The following EXD3 variants were observed in gnomAD, a reference collection of about 807,000 sequenced individuals.
EXD3 encodes the protein exonuclease mut-7 homolog.
EXD3 carries 92 observed loss-of-function variants against 98.0 expected under a neutral mutation model. That is an observed-to-expected ratio of 0.94 (90% CI 0.79 to 1.12). The LOEUF (loss-of-function observed/expected upper bound fraction) is 1.12. Ranked by LOEUF, EXD3 falls within the 50% of genes most tolerant of loss-of-function variation. The pLI is 0.00. For synonymous variants in EXD3, 569 were observed against 526.0 expected (o/e 1.08, Z -1.12); for missense variants, 1,222 against 1,191.6 (o/e 1.03, Z -0.38).
chr9:137,366,429 C>A, intron 7 of EXD3, 64 bp downstream of exon 7: 2 of 1,529,572 alleles, frequency 1.3e-6, no homozygotes, highest in East Asian at 2.5e-5. Flanking sequence ...CCTACACTCC[C>A]TTCCCTAACC....
At chr9:137,319,813 G>A (rs1831929266) in intron 19 of EXD3, among the ~76,000 whole-genome samples, 1 of 152,162 alleles carries the variant, frequency 6.6e-6, no homozygotes, top group South Asian at 2.1e-4. Flanking sequence ...TTGCTCTCCT[G>A]GCCCCATCGC....
At chr9:137,383,265 G>A (rs1836409741) in intron 3 of EXD3, 48 bp downstream of exon 3, 2 of 1,486,184 alleles carry the variant, frequency 1.3e-6, no homozygotes, top group Non-Finnish European at 1.8e-6. Context: ...CCAACAGTCA[G>A]TTCTGCTGGC....
chr9:137,354,426 G>A, intron 9 of EXD3, 49 bp from the exon 10 acceptor site: 1 of 1,610,974 alleles, frequency 6.2e-7, no homozygotes. Flanking sequence ...TCCAGAGGCT[G>A]TATCGGGGCC....
chr9:137,330,119 CTA>C (rs1832936963), intron 17 of EXD3, among the ~76,000 whole-genome samples: 2 of 107,442 alleles, frequency 1.9e-5, no homozygotes, highest in African/African-American at 7.3e-5. Context: ...TACACAGGAG[CTA>C]CACAGGAGCT....
At chr9:137,416,471 G>T (rs757128421) in intron 1 of EXD3, among the ~76,000 whole-genome samples, 2 of 152,250 alleles carry the variant, frequency 1.3e-5, no homozygotes, top group Non-Finnish European at 2.9e-5. Context: ...TCACCTCCCA[G>T]GTCTCCACCA....
Position 137,371,216 on chromosome 9 carries a change from C to T in EXD3, c.462+1689G>A, listed in dbSNP as rs2131675438. ...CCCGAAACACTAGCCTGCCTTCTGC[C>T]TCCCTGCACTCTCCGCAGGCACGGC... On this transcript the variant is annotated intron_variant, in intron 5 of 21. Coordinates refer to ENST00000340951, the MANE Select transcript of EXD3 (RefSeq NM_017820.5). This position sits in a 1 kb window ranked among gnomAD's most constrained non-coding sequence, Gnocchi z 8.0. Among the ~76,000 whole-genome samples, 1 of 152,340 alleles carries T rather than the reference C, an allele frequency of 6.6e-6. No individual in the cohort carries two copies. Among genetic ancestry groups the T allele is most frequent in the East Asian group, 1.9e-4 (1 of 5,184 alleles).
At chr9:137,409,957 A>C (rs1244251352) in intron 1 of EXD3, among the ~76,000 whole-genome samples, 3 of 152,190 alleles carry the variant, frequency 2.0e-5, no homozygotes, top group Non-Finnish European at 2.9e-5. Context: ...CGGACGGATC[A>C]CAAGGTCAGT....
At chr9:137,368,912 G>C (rs1351777556) in intron 5 of EXD3, among the ~76,000 whole-genome samples, 1 of 148,078 alleles carries the variant, frequency 6.8e-6, no homozygotes, top group Non-Finnish European at 1.5e-5. Context: ...AGGGCTGTGG[G>C]CAGGGGCGCC....
At chr9:137,316,727 C>T (rs1257448519) in intron 19 of EXD3, among the ~76,000 whole-genome samples, 2 of 152,206 alleles carry the variant, frequency 1.3e-5, no homozygotes, top group Non-Finnish European at 2.9e-5. Context: ...GGGCGAGGGC[C>T]CCGGGCTGGG....
intron 2 of EXD3, among the ~76,000 whole-genome samples, chr9:137,390,025 G>T (rs1235857493): frequency 6.8e-6 from 1 of 146,140 alleles, no homozygotes; most frequent in African/African-American, 2.6e-5. Context: ...AGGAAGCTGA[G>T]GCAGGAGAAT....
chr9:137,413,646 C>T (rs1006444132), intron 1 of EXD3, among the ~76,000 whole-genome samples: 8 of 151,784 alleles, frequency 5.3e-5, no homozygotes, highest in African/African-American at 1.9e-4. Flanking sequence ...GGACTACAGG[C>T]GCCCACTACC....
intron 2 of EXD3, among the ~76,000 whole-genome samples, chr9:137,394,823 A>C (rs1042891655): frequency 1.3e-5 from 2 of 152,144 alleles, no homozygotes; most frequent in African/African-American, 4.8e-5. Context: ...GGGATGAAAA[A>C]TGCCTCAGTT....
chr9:137,308,824 G>C (rs1442559818), intron 20 of EXD3, among the ~76,000 whole-genome samples: 1 of 152,054 alleles, frequency 6.6e-6, no homozygotes, highest in Non-Finnish European at 1.5e-5. Context: ...TTTTAGTAGA[G>C]ACGGGGTTTC....
At chr9:137,311,587 G>A (rs1249492043) in intron 19 of EXD3, among the ~76,000 whole-genome samples, 1 of 152,198 alleles carries the variant, frequency 6.6e-6, no homozygotes, top group Non-Finnish European at 1.5e-5. Context: ...TGCCGTCAGT[G>A]AGGGCCTGGC....
intron 5 of EXD3, among the ~76,000 whole-genome samples, 170 bp downstream of exon 5, chr9:137,372,735 C>T (rs1424025933): frequency 6.6e-6 from 1 of 152,170 alleles, no homozygotes; most frequent in Non-Finnish European, 1.5e-5. Context: ...TCCTGGGACC[C>T]GGCACCCCGC....
intron 1 of EXD3, among the ~76,000 whole-genome samples, chr9:137,415,894 G>T (rs1838208877): frequency 6.6e-6 from 1 of 152,244 alleles, no homozygotes; most frequent in African/African-American, 2.4e-5. Flanking sequence ...GGATCACGCT[G>T]CACGGTGCAA....
rs1410584092 is a variant in EXD3, at chr9:137,393,130, AG to A, written c.55+2172del. 7 of 698,302 alleles carry A rather than the reference AG, an allele frequency of 1.0e-5. No individual in the cohort carries two copies. Among genetic ancestry groups the A allele is most frequent in the East Asian group, 2.7e-5 (1 of 37,096 alleles). The allele number at this position is 698,302 out of a possible 1,614,324, so 43.3% of individuals were successfully genotyped here. ...TTCCAGGGAGGGCCATTAGTGTTCCAGGGGGCGCCGAGGCTGTTCCAGGGGC... is the reference window on the plus strand; with the variant it reads ...TTCCAGGGAGGGCCATTAGTGTTCCAGGGGCGCCGAGGCTGTTCCAGGGGC... On this transcript the variant is annotated intron_variant, in intron 2 of 21. Coordinates refer to ENST00000340951, the MANE Select transcript of EXD3 (RefSeq NM_017820.5). The surrounding 1 kb of genome is among the most constrained non-coding windows in gnomAD (Gnocchi z 4.6).
chr9:137,355,825 G>C (rs1384909833), intron 8 of EXD3, among the ~76,000 whole-genome samples: 1 of 152,110 alleles, frequency 6.6e-6, no homozygotes, highest in Non-Finnish European at 1.5e-5. Flanking sequence ...CCATGGAAGG[G>C]GCCTCAGTGC....
At chr9:137,341,136 C>T (rs936866999) in intron 17 of EXD3, among the ~76,000 whole-genome samples, 5 of 152,176 alleles carry the variant, frequency 3.3e-5, no homozygotes, top group African/African-American at 4.8e-5. Context: ...GACAACATAG[C>T]GAGATCCTGT....
Sources: allele counts gnomAD v4.1 joint callset (sites outside exome capture counted in the v4.1 genomes callset), GRCh38; gene constraint gnomAD v4.1.1; non-coding constraint Gnocchi (gnomAD v3.1); transcripts MANE v1.5; gene names NCBI Gene and HGNC (gene_info 2026-07-23, HGNC 2026-07-21).